The following CSMD1 variants were observed in gnomAD, a reference collection of about 807,000 sequenced individuals.
The protein encoded by CSMD1 is CUB and Sushi multiple domains 1.
In CSMD1, 213 loss-of-function variants were observed where a neutral mutation model predicts 417.5. That is an observed-to-expected ratio of 0.51 (90% CI 0.46 to 0.57). The LOEUF (loss-of-function observed/expected upper bound fraction) is 0.57. CSMD1 is among the 20% of genes least tolerant of loss of function. The pLI is 0.00. For synonymous variants in CSMD1, 2,862 were observed against 1,736.8 expected (o/e 1.65, Z -16.11); for missense variants, 6,923 against 4,529.7 (o/e 1.53, Z -15.17).
intron 4 of CSMD1, among the ~76,000 whole-genome samples, chr8:4,028,785 G>C (rs1040040315): frequency 2.0e-5 from 3 of 152,198 alleles, no homozygotes; most frequent in Non-Finnish European, 2.9e-5. Context: ...TCCAAGTGAA[G>C]TTTTTAGCAA....
intron 3 of CSMD1, among the ~76,000 whole-genome samples, chr8:4,043,279 G>A (rs1297977545): frequency 1.3e-5 from 2 of 152,032 alleles, no homozygotes. Context: ...ACGAATCACA[G>A]AAAGTACCCA....
At chr8:4,112,400 C>T (rs1020447671) in intron 3 of CSMD1, among the ~76,000 whole-genome samples, 2 of 152,172 alleles carry the variant, frequency 1.3e-5, no homozygotes, top group African/African-American at 4.8e-5. Flanking sequence ...CCTGACAAGG[C>T]TGAGCTTGCC....
At chr8:4,040,421 G>A (rs998699353) in intron 3 of CSMD1, among the ~76,000 whole-genome samples, 1 of 152,134 alleles carries the variant, frequency 6.6e-6, no homozygotes, top group Non-Finnish European at 1.5e-5. Flanking sequence ...TCCAGGACAG[G>A]TAACTGTTAA....
chr8:4,269,515 C>G (rs540646479), intron 3 of CSMD1, among the ~76,000 whole-genome samples: 132 of 152,254 alleles, frequency 8.7e-4, no homozygotes, highest in African/African-American at 3.1e-3. Flanking sequence ...ATGTTTTTAT[C>G]TAACTAAAAG....
intron 52 of CSMD1, among the ~76,000 whole-genome samples, chr8:3,015,196 G>C (rs1204929043): frequency 6.6e-6 from 1 of 151,902 alleles, no homozygotes; most frequent in Non-Finnish European, 1.5e-5. Flanking sequence ...AGCTCTCTTG[G>C]GGTTCCTCAC....
At chr8:4,114,169 A>C (rs1232315717) in intron 3 of CSMD1, among the ~76,000 whole-genome samples, 1 of 152,204 alleles carries the variant, frequency 6.6e-6, no homozygotes, top group Non-Finnish European at 1.5e-5. Flanking sequence ...TTCAAAGGAC[A>C]GCCTGACTCC....
intron 1 of CSMD1, among the ~76,000 whole-genome samples, chr8:4,785,628 A>G (rs1797364257): frequency 5.3e-5 from 8 of 152,116 alleles, no homozygotes; most frequent in Admixed American, 5.2e-4. Flanking sequence ...CAGCTCACAC[A>G]CAGACTCAGA....
At chr8:4,337,479 G>A (rs759649339) in intron 3 of CSMD1, among the ~76,000 whole-genome samples, 1 of 151,998 alleles carries the variant, frequency 6.6e-6, no homozygotes, top group Non-Finnish European at 1.5e-5. Flanking sequence ...TGGGATCTCT[G>A]CTTTGCTTTT....
intron 1 of CSMD1, among the ~76,000 whole-genome samples, chr8:4,922,370 A>G (rs1004968303): frequency 6.6e-6 from 1 of 152,200 alleles, no homozygotes; most frequent in Non-Finnish European, 1.5e-5. Context: ...ATGCTTATAT[A>G]TAGCACAATA....
At chr8:4,656,543 C>A (rs1349610731) in intron 1 of CSMD1, among the ~76,000 whole-genome samples, 1 of 152,058 alleles carries the variant, frequency 6.6e-6, no homozygotes, top group African/African-American at 2.4e-5. Context: ...TTGTTCAAAT[C>A]TGATGCCATA....
At chr8:3,546,118 T>C (rs373870878) in intron 10 of CSMD1, among the ~76,000 whole-genome samples, 1 of 152,206 alleles carries the variant, frequency 6.6e-6, no homozygotes, top group Non-Finnish European at 1.5e-5. Flanking sequence ...AAAATATGTT[T>C]TGCTGTGCAT....
chr8:3,617,171 A>G (rs777331356), intron 7 of CSMD1, among the ~76,000 whole-genome samples: 2 of 152,240 alleles, frequency 1.3e-5, no homozygotes, highest in African/African-American at 4.8e-5. Flanking sequence ...GTCTTCACTT[A>G]TTCCCATAGA....
chr8:4,757,105 A>T (rs1563306558), intron 1 of CSMD1, among the ~76,000 whole-genome samples: 1 of 152,218 alleles, frequency 6.6e-6, no homozygotes, highest in African/African-American at 2.4e-5. Context: ...ACAAAGAACA[A>T]ACACAAACAT....
chr8:3,526,110 C>A (rs1278768717), intron 10 of CSMD1, among the ~76,000 whole-genome samples: 4 of 152,140 alleles, frequency 2.6e-5, no homozygotes, highest in African/African-American at 7.2e-5. Flanking sequence ...GCTTTAAAAA[C>A]AGTCTACATT....
intron 3 of CSMD1, among the ~76,000 whole-genome samples, chr8:4,119,826 C>G (rs904526305): frequency 6.6e-6 from 1 of 152,200 alleles, no homozygotes; most frequent in Non-Finnish European, 1.5e-5. Flanking sequence ...GATTTTAAAA[C>G]TCCTACACGT....
intron 1 of CSMD1, among the ~76,000 whole-genome samples, chr8:4,893,585 G>A (rs1029857143): frequency 2.0e-5 from 3 of 152,194 alleles, no homozygotes; most frequent in Admixed American, 6.5e-5. Flanking sequence ...AATGTGTGAT[G>A]TATTTACATA....
intron 12 of CSMD1, among the ~76,000 whole-genome samples, chr8:3,421,888 T>A (rs1203129056): frequency 6.8e-6 from 1 of 146,270 alleles, no homozygotes; most frequent in Non-Finnish European, 1.5e-5. Flanking sequence ...TCCACCCACC[T>A]TGGCCGCCCA....
In CSMD1 at chr8:4,143,371, CTT is replaced by C. The variant is rs71534385; in HGVS notation, c.416-111274_416-111273del. ...GCTGAAATATAATGACGTCTTATCCCTTTTTTTTTTTTTTTTGCTACAGACTA... is the reference window on the plus strand; with the variant it reads ...GCTGAAATATAATGACGTCTTATCCCTTTTTTTTTTTTTTGCTACAGACTA... On this transcript the variant is annotated intron_variant, in intron 3 of 69. Coordinates refer to ENST00000635120, the MANE Select transcript of CSMD1 (RefSeq NM_033225.6). Among the ~76,000 whole-genome samples, 203 of 112,818 alleles carry C rather than the reference CTT, an allele frequency of 1.8e-3. 1 individual carries two copies. The highest frequency in any genetic ancestry group is 2.6e-3 in the East Asian group (12 of 4,530). The allele number at this position is 112,818 out of a possible 152,430, so 74.0% of individuals were successfully genotyped here. A position where few individuals can be genotyped will look rare whatever the true frequency, so the allele number is the denominator to read the frequency against.
chr8:4,254,056 A>G (rs150225094), intron 3 of CSMD1, among the ~76,000 whole-genome samples: 1 of 151,516 alleles, frequency 6.6e-6, no homozygotes, highest in African/African-American at 2.4e-5. Flanking sequence ...AGCTGGGACT[A>G]CTGGTGCCCA....
Sources: allele counts gnomAD v4.1 joint callset (sites outside exome capture counted in the v4.1 genomes callset), GRCh38; gene constraint gnomAD v4.1.1; transcripts MANE v1.5; gene names NCBI Gene and HGNC (gene_info 2026-07-23, HGNC 2026-07-21).